The following LDLRAD3 variants were observed in gnomAD, a reference collection of about 807,000 sequenced individuals.
The protein encoded by LDLRAD3 is low density lipoprotein receptor class A domain containing 3.
In LDLRAD3, 20 loss-of-function variants were observed where a neutral mutation model predicts 29.4. That is an observed-to-expected ratio of 0.68 (90% CI 0.48 to 0.99). LDLRAD3 has a LOEUF of 0.99. Among genes scored for constraint, LDLRAD3 ranks in the 50% least tolerant of loss-of-function variants. The pLI, the probability that LDLRAD3 is intolerant of heterozygous loss-of-function variation, is 0.00. For missense variants in LDLRAD3, 420 were observed against 454.3 expected (o/e 0.92, Z 0.69); for synonymous variants, 157 against 192.7 (o/e 0.81, Z 1.53).
At chr11:36,029,176 C>T (rs865844111) in intron 1 of LDLRAD3, among the ~76,000 whole-genome samples, 8 of 152,188 alleles carry the variant, frequency 5.3e-5, no homozygotes, top group African/African-American at 1.4e-4. Flanking sequence ...ACCCGGGAGG[C>T]GGAGGTTGCA....
At chr11:35,985,649 G>T (rs1851605236) in intron 1 of LDLRAD3, among the ~76,000 whole-genome samples, 1 of 152,078 alleles carries the variant, frequency 6.6e-6, no homozygotes, top group South Asian at 2.1e-4. Flanking sequence ...TGAATCACGG[G>T]GGCAGGTTTT....
At chr11:36,100,900 T>C (rs1017336330) in intron 4 of LDLRAD3, among the ~76,000 whole-genome samples, 1 of 152,178 alleles carries the variant, frequency 6.6e-6, no homozygotes, top group African/African-American at 2.4e-5. Context: ...CTGAAGCAGA[T>C]TTTTGCTTGC....
At chr11:36,155,122 A>G (rs895522063) in intron 4 of LDLRAD3, among the ~76,000 whole-genome samples, 1 of 152,142 alleles carries the variant, frequency 6.6e-6, no homozygotes, top group African/African-American at 2.4e-5. Flanking sequence ...ATTGATTAGG[A>G]ATTAATCAAT....
chr11:35,993,574 G>C (rs1287981520), intron 1 of LDLRAD3, among the ~76,000 whole-genome samples: 2 of 152,004 alleles, frequency 1.3e-5, no homozygotes, highest in African/African-American at 4.8e-5. Flanking sequence ...AAGTCATTAG[G>C]GAGAAAAGAG....
chr11:36,132,520 C>G (rs1172386932), intron 4 of LDLRAD3, among the ~76,000 whole-genome samples: 2 of 152,140 alleles, frequency 1.3e-5, no homozygotes, highest in Non-Finnish European at 2.9e-5. Flanking sequence ...GTCATTATTT[C>G]CCCGTTTTAT....
chr11:36,081,430 A>G (rs907529547), intron 2 of LDLRAD3, among the ~76,000 whole-genome samples: 3 of 152,136 alleles, frequency 2.0e-5, no homozygotes, highest in Non-Finnish European at 4.4e-5. Context: ...GGGCTATGTT[A>G]TCCTCTTGGG....
At chr11:36,018,791 C>G (rs1474852746) in intron 1 of LDLRAD3, among the ~76,000 whole-genome samples, 1 of 152,190 alleles carries the variant, frequency 6.6e-6, no homozygotes. Flanking sequence ...TCGCATTGTT[C>G]TAAACAATGG....
At chr11:35,952,325 T>G (rs546073591) in intron 1 of LDLRAD3, among the ~76,000 whole-genome samples, 1 of 152,220 alleles carries the variant, frequency 6.6e-6, no homozygotes, top group Non-Finnish European at 1.5e-5. Context: ...TACCTTGTGC[T>G]GGAGAATTCC....
chr11:36,100,124 G>A (rs1441031264), intron 4 of LDLRAD3, among the ~76,000 whole-genome samples: 2 of 152,066 alleles, frequency 1.3e-5, no homozygotes, highest in African/African-American at 4.8e-5. Context: ...AAATCAACTG[G>A]CGGGAGTGGG....
chr11:36,018,278 A>G (rs371089691), intron 1 of LDLRAD3, among the ~76,000 whole-genome samples: 3 of 152,286 alleles, frequency 2.0e-5, no homozygotes, highest in South Asian at 2.1e-4. Context: ...TTCTTGCTTC[A>G]GTTTTAGCAG....
At chr11:36,044,984 T>C (rs1852429321) in intron 2 of LDLRAD3, among the ~76,000 whole-genome samples, 1 of 152,232 alleles carries the variant, frequency 6.6e-6, no homozygotes, top group Non-Finnish European at 1.5e-5. Context: ...TTTTCCACCT[T>C]CACCACACTG....
At chr11:36,041,936 T>C (rs998356034) in intron 2 of LDLRAD3, among the ~76,000 whole-genome samples, 2 of 152,198 alleles carry the variant, frequency 1.3e-5, no homozygotes, top group African/African-American at 4.8e-5. Flanking sequence ...AAAATATTAA[T>C]GAATCTCCAA....
In LDLRAD3 at chr11:35,985,610, G is replaced by A. The variant is rs567604222; in HGVS notation, c.46+41466G>A. ...ATTGTAGCTCCCATAATCCCTACGT[G>A]TTGTGGGAGGGATCTGGTGGGAGGT... On this transcript the variant is annotated intron_variant, in intron 1 of 5. Coordinates refer to ENST00000315571, the MANE Select transcript of LDLRAD3 (RefSeq NM_174902.4). Among the ~76,000 whole-genome samples the A allele has an allele frequency of 2.4e-3, 373 of 152,256 alleles. 6 individuals carry two copies. Among genetic ancestry groups the A allele is most frequent in the African/African-American group, 8.6e-3 (356 of 41,540 alleles).
At chr11:36,205,117 G>A (rs1008930295) in intron 4 of LDLRAD3, among the ~76,000 whole-genome samples, 2 of 152,142 alleles carry the variant, frequency 1.3e-5, no homozygotes, top group African/African-American at 4.8e-5. Context: ...GCCATGTTCT[G>A]TTCATTTTGG....
intron 4 of LDLRAD3, among the ~76,000 whole-genome samples, chr11:36,180,878 G>A (rs930152372): frequency 1.3e-5 from 2 of 152,190 alleles, no homozygotes; most frequent in Non-Finnish European, 2.9e-5. Flanking sequence ...TGGATTTGAT[G>A]TAGAGTGTGA....
intron 1 of LDLRAD3, among the ~76,000 whole-genome samples, chr11:35,981,857 T>G (rs1032189595): frequency 6.6e-6 from 1 of 152,186 alleles, no homozygotes; most frequent in African/African-American, 2.4e-5. Flanking sequence ...ATGCTTTTGT[T>G]GCATGTTAGA....
chr11:36,080,153 TCCTTCTTGGAGGA>T (rs976745510), intron 2 of LDLRAD3, among the ~76,000 whole-genome samples: 1 of 152,168 alleles, frequency 6.6e-6, no homozygotes, highest in African/African-American at 2.4e-5. Flanking sequence ...AAATGGCCCT[TCCTTCTTGGAGGA>T]CCATGGGTCC....
At chr11:36,116,343 G>C (rs1853673961) in intron 4 of LDLRAD3, among the ~76,000 whole-genome samples, 1 of 152,056 alleles carries the variant, frequency 6.6e-6, no homozygotes, top group Non-Finnish European at 1.5e-5. Context: ...GTTCCATCTG[G>C]TATCTTGCTT....
intron 1 of LDLRAD3, among the ~76,000 whole-genome samples, chr11:35,985,018 G>A (rs182516000): frequency 6.6e-6 from 1 of 150,928 alleles, no homozygotes; most frequent in Non-Finnish European, 1.5e-5. Context: ...TCGAACTCCT[G>A]GGCTCAAGCG....
Sources: gnomAD v4.1 joint callset for allele counts (sites outside exome capture counted in the v4.1 genomes callset) on GRCh38, gnomAD v4.1.1 for gene constraint, MANE v1.5 for transcripts, NCBI Gene and HGNC (gene_info 2026-07-23, HGNC 2026-07-21) for gene names.